CCBE1: variants seen among roughly 807,000 people sequenced by gnomAD.
CCBE1 encodes the protein collagen and calcium binding EGF domains 1.
A neutral mutation model predicts 50.0 loss-of-function variants in CCBE1; 37 were observed. That is an observed-to-expected ratio of 0.74 (90% CI 0.57 to 0.97). The LOEUF is 0.97. Among genes scored for constraint, CCBE1 ranks in the 50% least tolerant of loss-of-function variants. CCBE1 has a pLI of 0.00. For synonymous variants in CCBE1, 234 were observed against 203.7 expected (o/e 1.15, Z -1.27); for missense variants, 538 against 523.8 (o/e 1.03, Z -0.26).
chr18:59,466,286 T>C (rs1911737312), intron 5 of CCBE1, among the ~76,000 whole-genome samples: 1 of 152,010 alleles, frequency 6.6e-6, no homozygotes, highest in Non-Finnish European at 1.5e-5. Flanking sequence ...CTCATGACAG[T>C]GTATAAGTCT....
intron 2 of CCBE1, among the ~76,000 whole-genome samples, chr18:59,503,110 G>A (rs534029663): frequency 1.3e-5 from 2 of 152,364 alleles, no homozygotes; most frequent in East Asian, 1.9e-4. Context: ...GGCCTGTGAT[G>A]CAGATGTGAC....
At chr18:59,659,507 G>T (rs60774985) in intron 2 of CCBE1, among the ~76,000 whole-genome samples, 4 of 152,006 alleles carry the variant, frequency 2.6e-5, no homozygotes, top group Non-Finnish European at 5.9e-5. Context: ...TGATTTGGTC[G>T]CACTTACAGC....
At chr18:59,562,954 G>C (rs1019346391) in intron 2 of CCBE1, among the ~76,000 whole-genome samples, 3 of 152,186 alleles carry the variant, frequency 2.0e-5, no homozygotes, top group Admixed American at 6.5e-5. Context: ...TCAGGGAATG[G>C]ACTCTTCCAT....
intron 2 of CCBE1, among the ~76,000 whole-genome samples, chr18:59,491,084 A>G (rs1452263119): frequency 6.6e-6 from 1 of 152,182 alleles, no homozygotes; most frequent in Non-Finnish European, 1.5e-5. Context: ...TTTTGATTTT[A>G]TCCTTAGCTC....
At chr18:59,516,269 G>A (rs1198941723) in intron 2 of CCBE1, among the ~76,000 whole-genome samples, 1 of 151,798 alleles carries the variant, frequency 6.6e-6, no homozygotes, top group Admixed American at 6.6e-5. Context: ...ACTCTGGAGA[G>A]CAAAGTTGTC....
rs897124835 is a variant in CCBE1, at chr18:59,483,439, A to G, written c.213-3201T>C. ...AAAATCTGAAATCTGAAATGTTTCAATGAGCATTTCTTTTGAAAATGTTTC... is the reference window on the plus strand; with the variant it reads ...AAAATCTGAAATCTGAAATGTTTCAGTGAGCATTTCTTTTGAAAATGTTTC... On this transcript the variant is annotated intron_variant, in intron 2 of 10. Coordinates refer to ENST00000439986, the MANE Select transcript of CCBE1 (RefSeq NM_133459.4). Among the ~76,000 whole-genome samples, 4 of 152,230 alleles carry G rather than the reference A, an allele frequency of 2.6e-5. No homozygotes were observed. In the East Asian group the frequency reaches 7.7e-4, roughly 29 times the overall value.
At chr18:59,526,311 T>C (rs1382052289) in intron 2 of CCBE1, among the ~76,000 whole-genome samples, 1 of 52,904 alleles carries the variant, frequency 1.9e-5, no homozygotes, top group Non-Finnish European at 3.9e-5. Flanking sequence ...GATTTGAGAT[T>C]TTTTTTTTTT....
intron 2 of CCBE1, among the ~76,000 whole-genome samples, chr18:59,551,025 A>AGAAAAG (rs1568201642): frequency 7.8e-5 from 9 of 114,868 alleles, no homozygotes; most frequent in South Asian, 3.3e-4. Flanking sequence ...AAAAAAAAAA[A>AGAAAAG]AAAAGAAAAG....
At chr18:59,687,956 GA>G (rs752081702) in intron 2 of CCBE1, among the ~76,000 whole-genome samples, 423 of 151,752 alleles carry the variant, frequency 2.8e-3, no homozygotes, top group Non-Finnish European at 5.1e-3. Context: ...GATTCCATTT[GA>G]AAAAAAAGAA....
At chr18:59,672,468 T>TACAC (rs1383463280) in intron 2 of CCBE1, among the ~76,000 whole-genome samples, 2 of 152,234 alleles carry the variant, frequency 1.3e-5, no homozygotes, top group African/African-American at 2.4e-5. Context: ...GGAATGCTTA[T>TACAC]ACACCATAAA....
intron 2 of CCBE1, among the ~76,000 whole-genome samples, chr18:59,695,387 C>A (rs908344331): frequency 2.6e-5 from 4 of 152,174 alleles, no homozygotes; most frequent in Admixed American, 1.3e-4. Flanking sequence ...ATTGAACATA[C>A]TCCTTTCTCC....
At chr18:59,554,444 C>T (rs191161290) in intron 2 of CCBE1, among the ~76,000 whole-genome samples, 1 of 152,204 alleles carries the variant, frequency 6.6e-6, no homozygotes, top group African/African-American at 2.4e-5. Context: ...GATGGTATGA[C>T]TTAAAACTAG....
chr18:59,569,282 A>G (rs1345018890), intron 2 of CCBE1, among the ~76,000 whole-genome samples: 1 of 152,198 alleles, frequency 6.6e-6, no homozygotes, highest in African/African-American at 2.4e-5. Flanking sequence ...GACTCCTTCT[A>G]AATCTGTTGC....
rs1303454681 is a variant in CCBE1 at position 59,432,597 on chromosome 18, A to C, written c.*3311T>G. Reference sequence around the variant, plus strand: ...TATGATTTGGGCATAAAAAGTACATATCAGTCTTGCAGTAGTCCAAGTTTT... The same window carrying C: ...TATGATTTGGGCATAAAAAGTACATCTCAGTCTTGCAGTAGTCCAAGTTTT... On this transcript the variant is annotated 3_prime_UTR_variant, in exon 11 of 11. Coordinates refer to ENST00000439986, the MANE Select transcript of CCBE1 (RefSeq NM_133459.4). 6.6e-6 allele frequency: 1 copy of C among 152,226 alleles called. No individual in the cohort carries two copies. Among genetic ancestry groups the C allele is most frequent in the Non-Finnish European group, 1.5e-5 (1 of 68,020 alleles). The allele number at this position is 152,226 out of a possible 1,614,324, so 9.4% of individuals were successfully genotyped here.
intron 2 of CCBE1, among the ~76,000 whole-genome samples, chr18:59,680,031 G>T (rs2054564531): frequency 6.6e-6 from 1 of 152,002 alleles, no homozygotes; most frequent in Non-Finnish European, 1.5e-5. Context: ...GACCAACTCG[G>T]ACAACATGGT....
intron 2 of CCBE1, among the ~76,000 whole-genome samples, chr18:59,540,844 CAGA>C (rs1346249555): frequency 6.6e-6 from 1 of 152,144 alleles, no homozygotes; most frequent in African/African-American, 2.4e-5. Flanking sequence ...CTTGTCTTTA[CAGA>C]AGAAGTTCAT....
chr18:59,502,095 C>T lies in CCBE1; in HGVS notation c.213-21857G>A, dbSNP rs181260558. On this transcript the variant is annotated intron_variant, in intron 2 of 10. Coordinates refer to ENST00000439986, the MANE Select transcript of CCBE1 (RefSeq NM_133459.4). ...GGATTACAGGCATGAGCCAGCACAC[C>T]TGGCCTACGAGTCAGCATTTTTAAA... Among the ~76,000 whole-genome samples, 19 of 152,332 alleles carry T rather than the reference C, an allele frequency of 1.2e-4. No individual in the cohort carries two copies. In the East Asian group the frequency reaches 3.7e-3, roughly 29 times the overall value.
intron 2 of CCBE1, among the ~76,000 whole-genome samples, chr18:59,486,555 T>C (rs1166099988): frequency 6.6e-6 from 1 of 152,196 alleles, no homozygotes; most frequent in East Asian, 1.9e-4. Context: ...TGAAACACAA[T>C]GTATGAACAT....
At chr18:59,560,143 A>G (rs1445697497) in intron 2 of CCBE1, among the ~76,000 whole-genome samples, 4 of 152,254 alleles carry the variant, frequency 2.6e-5, no homozygotes, top group African/African-American at 9.6e-5. Context: ...GCCAGACTAT[A>G]TAGCAGGCAC....
Sources: gnomAD v4.1 joint callset for allele counts (sites outside exome capture counted in the v4.1 genomes callset) on GRCh38, gnomAD v4.1.1 for gene constraint, MANE v1.5 for transcripts, NCBI Gene and HGNC (gene_info 2026-07-23, HGNC 2026-07-21) for gene names.